GNA14: variants seen among roughly 807,000 people sequenced by gnomAD.
GNA14 encodes the protein G protein subunit alpha 14, also known as guanine nucleotide-binding protein subunit alpha-14.
GNA14 carries 50 observed loss-of-function variants against 42.0 expected under a neutral mutation model. The observed-to-expected ratio is 1.19, with a 90% CI of 0.95 to 1.51. The LOEUF (loss-of-function observed/expected upper bound fraction) is 1.51, where lower values mean the gene tolerates loss of function less well. Ranked by LOEUF, GNA14 falls within the 40% of genes most tolerant of loss-of-function variation. The pLI, the probability that GNA14 is intolerant of heterozygous loss-of-function variation, is 0.00. For synonymous variants in GNA14, 173 were observed against 163.1 expected, an observed-to-expected ratio of 1.06 and a Z score of -0.46; for missense variants, 473 against 446.2, an observed-to-expected ratio of 1.06 and a Z score of -0.54.
chr9:77,430,550 T>G (rs1835529700), intron 4 of GNA14, among the ~76,000 whole-genome samples: 1 of 152,158 alleles, frequency 6.6e-6, no homozygotes, highest in Non-Finnish European at 1.5e-5. Context: ...GGGCTGGACC[T>G]GAGGGCTTCC....
chr9:77,490,299 C>T lies in GNA14; in HGVS notation c.309+38770G>A, dbSNP rs534009279. Among the ~76,000 whole-genome samples the T allele has an allele frequency of 2.5e-3, 376 of 152,378 alleles. 1 individual carries two copies. The highest frequency in any genetic ancestry group is 0.014 in the Middle Eastern group (4 of 294). Reference sequence around the variant, plus strand: ...AAAGACTCTCCACGTCCCTACCAGACTCAGGAGCCCAGCTGGCTTCACCTA... The same window carrying T: ...AAAGACTCTCCACGTCCCTACCAGATTCAGGAGCCCAGCTGGCTTCACCTA... On this transcript the variant is annotated intron_variant, in intron 2 of 6. Coordinates refer to ENST00000341700, the MANE Select transcript of GNA14 (RefSeq NM_004297.4).
intron 1 of GNA14, among the ~76,000 whole-genome samples, chr9:77,581,152 C>T (rs7036893): frequency 0.21 from 32,105 of 152,012 alleles, 6,482 homozygotes; most frequent in African/African-American, 0.53. Context: ...GGTGTGTTTA[C>T]GGGCAGGGAG....
intron 2 of GNA14, among the ~76,000 whole-genome samples, chr9:77,454,763 C>T (rs1371253839): frequency 6.6e-6 from 1 of 152,054 alleles, no homozygotes; most frequent in Non-Finnish European, 1.5e-5. Flanking sequence ...GACTCTCTGC[C>T]CCACCAGTAG....
intron 2 of GNA14, among the ~76,000 whole-genome samples, chr9:77,525,693 C>G (rs1837423443): frequency 6.6e-6 from 1 of 151,910 alleles, no homozygotes; most frequent in African/African-American, 2.4e-5. Context: ...TACCCGCCAA[C>G]ACGCCCGGCT....
chr9:77,509,997 T>C (rs1201431313), intron 2 of GNA14, among the ~76,000 whole-genome samples: 2 of 152,214 alleles, frequency 1.3e-5, no homozygotes. Flanking sequence ...GTATTTACAA[T>C]TTAAAGTCTA....
At chr9:77,599,595 G>A (rs950550236) in intron 1 of GNA14, among the ~76,000 whole-genome samples, 1 of 152,222 alleles carries the variant, frequency 6.6e-6, no homozygotes, top group South Asian at 2.1e-4. Context: ...GCTGAGTAGA[G>A]GCAAATGCCA....
intron 2 of GNA14, among the ~76,000 whole-genome samples, chr9:77,496,252 G>A (rs907542724): frequency 2.0e-5 from 3 of 152,202 alleles, no homozygotes; most frequent in Non-Finnish European, 4.4e-5. Context: ...ATCTGCCCAT[G>A]TGGGGGAAGT....
At chr9:77,562,682 T>C (rs919637554) in intron 1 of GNA14, among the ~76,000 whole-genome samples, 1 of 152,224 alleles carries the variant, frequency 6.6e-6, no homozygotes, top group Non-Finnish European at 1.5e-5. Flanking sequence ...TAATACTTGT[T>C]TCATACTTGA....
At chr9:77,446,222 C>G (rs1209790512) in intron 2 of GNA14, among the ~76,000 whole-genome samples, 1 of 152,218 alleles carries the variant, frequency 6.6e-6, no homozygotes, top group African/African-American at 2.4e-5. Flanking sequence ...TGTGAGAAAT[C>G]TCATTCTCTT....
chr9:77,437,265 C>A (rs781560633), intron 2 of GNA14, among the ~76,000 whole-genome samples: 1 of 152,180 alleles, frequency 6.6e-6, no homozygotes, highest in Non-Finnish European at 1.5e-5. Context: ...AACATTACGG[C>A]CAAGTGCAGT....
At chr9:77,552,591 C>G (rs1426607269) in intron 1 of GNA14, among the ~76,000 whole-genome samples, 1 of 152,072 alleles carries the variant, frequency 6.6e-6, no homozygotes, top group African/African-American at 2.4e-5. Context: ...ATCACCTCAC[C>G]AAGAATGATT....
chr9:77,438,054 C>T (rs1258453138), intron 2 of GNA14, among the ~76,000 whole-genome samples: 1 of 152,146 alleles, frequency 6.6e-6, no homozygotes, highest in Non-Finnish European at 1.5e-5. Context: ...GATATGACCT[C>T]TCAGGTCACC....
In GNA14 at chr9:77,607,447, A is replaced by C. The variant is rs183655595; in HGVS notation, c.124+40223T>G. ...TATGGGAGTTGGAGTGGCTGTAGTAAGGTTCTCAAGGAGGGCATGCTAGGT... is the reference window on the plus strand; with the variant it reads ...TATGGGAGTTGGAGTGGCTGTAGTACGGTTCTCAAGGAGGGCATGCTAGGT... On this transcript the variant is annotated intron_variant, in intron 1 of 6. Transcript: ENST00000341700. Among the ~76,000 whole-genome samples, 86 of 152,270 alleles carry C rather than the reference A, an allele frequency of 5.6e-4. No individual in the cohort carries two copies. The East Asian group carries it at 0.016, about 29-fold the overall frequency.
intron 2 of GNA14, among the ~76,000 whole-genome samples, chr9:77,444,069 G>C (rs1230836322): frequency 6.6e-6 from 1 of 152,216 alleles, no homozygotes; most frequent in Non-Finnish European, 1.5e-5. Flanking sequence ...GTAGCTACAT[G>C]AGTGTGAATA....
At chr9:77,429,362 T>C (rs1191031330) in intron 4 of GNA14, among the ~76,000 whole-genome samples, 2 of 152,152 alleles carry the variant, frequency 1.3e-5, no homozygotes, top group Non-Finnish European at 2.9e-5. Flanking sequence ...ACAACCACTG[T>C]AGAGTCCCTG....
chr9:77,634,641 C>A (rs953892373), intron 1 of GNA14, among the ~76,000 whole-genome samples: 5 of 152,218 alleles, frequency 3.3e-5, no homozygotes, highest in Admixed American at 2.6e-4. Context: ...CAAAAAAAAT[C>A]AATTCTGGAA....
At chr9:77,442,030 C>T (rs1835744543) in intron 2 of GNA14, among the ~76,000 whole-genome samples, 1 of 127,218 alleles carries the variant, frequency 7.9e-6, no homozygotes, top group South Asian at 2.2e-4. Context: ...CTAAGGGCAG[C>T]TAGAAATAGC....
chr9:77,520,439 G>T (rs2131759946), intron 2 of GNA14, among the ~76,000 whole-genome samples: 1 of 152,310 alleles, frequency 6.6e-6, no homozygotes, highest in South Asian at 2.1e-4. Flanking sequence ...AAGGACTTCG[G>T]ATCTAACGAG....
intron 2 of GNA14, among the ~76,000 whole-genome samples, chr9:77,464,100 A>G (rs1428776894): frequency 6.6e-6 from 1 of 152,090 alleles, no homozygotes; most frequent in Admixed American, 6.6e-5. Context: ...TCCTGGGCTC[A>G]AGTCATTGCC....
Sources: gnomAD v4.1 joint callset for allele counts (sites outside exome capture counted in the v4.1 genomes callset) on GRCh38, gnomAD v4.1.1 for gene constraint, MANE v1.5 for transcripts, NCBI Gene and HGNC (gene_info 2026-07-23, HGNC 2026-07-21) for gene names.